Variants in FMNL2 observed in about 807,000 individuals in gnomAD.
The protein encoded by FMNL2 is formin-like protein 2.
Under a neutral mutation model 130.2 loss-of-function variants are expected in FMNL2, and 51 were observed. The observed-to-expected ratio is 0.39, with a 90% CI of 0.31 to 0.49. The LOEUF (loss-of-function observed/expected upper bound fraction) is 0.49, where lower values mean the gene tolerates loss of function less well. Ranked by LOEUF, FMNL2 falls within the 20% of genes least tolerant of loss-of-function variation. The pLI is 0.85. For synonymous variants in FMNL2, 465 were observed against 467.1 expected (o/e 1.00, Z 0.06); for missense variants, 977 against 1,316.2 (o/e 0.74, Z 3.99).
At position 152,335,651 on chromosome 2, in the gene FMNL2, G is replaced by A; in HGVS notation, c.48G>A (p.Ala16=). 1 of 1,593,586 alleles carries A rather than the reference G, an allele frequency of 6.3e-7. No homozygotes were observed. Among genetic ancestry groups the A allele is most frequent in the African/African-American group, 1.4e-5 (1 of 72,190 alleles). Reference sequence around the variant, plus strand: ...ATTCGCAGCAGACCGATTTCAGGGCGCACAACGTGCCTTTGAAGCTGCCGA... The same window carrying A: ...ATTCGCAGCAGACCGATTTCAGGGCACACAACGTGCCTTTGAAGCTGCCGA... ...SMDSQQTDFR[A]HNVPLKLPMP... The change falls in exon 1 of 26, where the codon GCG becomes GCA. Residue 16 remains alanine (A), a synonymous_variant. Coordinates refer to ENST00000288670, the MANE Select transcript of FMNL2 (RefSeq NM_052905.4).
intron 1 of FMNL2, among the ~76,000 whole-genome samples, chr2:152,365,881 A>C (rs1187786039): frequency 6.6e-6 from 1 of 152,220 alleles, no homozygotes; most frequent in East Asian, 1.9e-4. Flanking sequence ...TTGGTGCCTC[A>C]AAAGAAAGGA....
intron 1 of FMNL2, among the ~76,000 whole-genome samples, chr2:152,456,630 G>A (rs1307173744): frequency 6.6e-6 from 1 of 152,142 alleles, no homozygotes; most frequent in East Asian, 1.9e-4. Flanking sequence ...GTTACAATAT[G>A]GAGAGAAGTG....
chr2:152,376,202 T>C (rs1684162831), intron 1 of FMNL2, among the ~76,000 whole-genome samples: 2 of 152,158 alleles, frequency 1.3e-5, no homozygotes, highest in Non-Finnish European at 2.9e-5. Context: ...GCCACTATAA[T>C]TGATTTTTAG....
At chr2:152,421,642 C>G (rs1686929407) in intron 1 of FMNL2, among the ~76,000 whole-genome samples, 1 of 152,194 alleles carries the variant, frequency 6.6e-6, no homozygotes, top group African/African-American at 2.4e-5. Context: ...CACCTAGGAA[C>G]TTCGAGAAAT....
chr2:152,636,733 C>CG (rs1682643443), intron 22 of FMNL2, 143 bp downstream of exon 22: 2 of 1,019,612 alleles, frequency 2.0e-6, no homozygotes, highest in Non-Finnish European at 2.8e-6. Flanking sequence ...TTATTTATTA[C>CG]GGGGGGACCA....
intron 1 of FMNL2, among the ~76,000 whole-genome samples, chr2:152,480,428 A>C (rs954321744): frequency 6.6e-6 from 1 of 152,060 alleles, no homozygotes; most frequent in Non-Finnish European, 1.5e-5. Flanking sequence ...GTCGGAGTCC[A>C]GAACCAGCCT....
chr2:152,576,566 T>C (rs893577111), intron 7 of FMNL2, among the ~76,000 whole-genome samples: 2 of 152,150 alleles, frequency 1.3e-5, no homozygotes, highest in African/African-American at 4.8e-5. Context: ...TAAAATCACA[T>C]AGCTAGTTAG....
intron 1 of FMNL2, among the ~76,000 whole-genome samples, chr2:152,407,999 G>A (rs1686081842): frequency 6.6e-6 from 1 of 152,312 alleles, no homozygotes; most frequent in African/African-American, 2.4e-5. Context: ...ATTAGCTTAA[G>A]TAACTTGGGT....
intron 1 of FMNL2, among the ~76,000 whole-genome samples, chr2:152,398,820 A>T (rs1185204191): frequency 6.6e-6 from 1 of 152,346 alleles, no homozygotes; most frequent in South Asian, 2.1e-4. Context: ...ATGTAATACA[A>T]GGCATAACAT....
chr2:152,538,712 G>A (rs1694143164), intron 2 of FMNL2, among the ~76,000 whole-genome samples: 1 of 152,178 alleles, frequency 6.6e-6, no homozygotes, highest in South Asian at 2.1e-4. Flanking sequence ...GTGTTATGGA[G>A]GAAGAATACA....
At chr2:152,488,001 A>C (rs987020136) in intron 1 of FMNL2, among the ~76,000 whole-genome samples, 1 of 152,040 alleles carries the variant, frequency 6.6e-6, no homozygotes, top group African/African-American at 2.4e-5. Flanking sequence ...GCTGGTGTTG[A>C]ACTCCTGACC....
At chr2:152,642,884 CTG>C (rs34735674) in intron 25 of FMNL2, among the ~76,000 whole-genome samples, 3,442 of 152,216 alleles carry the variant, frequency 0.023, 46 homozygotes, top group Middle Eastern at 0.078. Context: ...TGGCTGGTGT[CTG>C]TAATCCCAGC....
chr2:152,360,167 C>T lies in FMNL2; in HGVS notation c.117+24447C>T, dbSNP rs143154690. Among the ~76,000 whole-genome samples, 227 of 152,250 alleles carry T rather than the reference C, an allele frequency of 1.5e-3. 2 individuals are homozygous for T. Among genetic ancestry groups the T allele is most frequent in the Non-Finnish European group, 2.5e-3 (170 of 68,010 alleles). ...AAAGGGGGTTTTCGAAGCCACAAAC[C>T]GCATCTTTGCTCTTCAGATGTATCT... On this transcript the variant is annotated intron_variant, in intron 1 of 25. Coordinates refer to ENST00000288670, the MANE Select transcript of FMNL2 (RefSeq NM_052905.4).
rs543633244 is a variant in FMNL2 at position 152,544,991 on chromosome 2, C to T, written c.282+2172C>T. Among the ~76,000 whole-genome samples the T allele has an allele frequency of 2.6e-5, 4 of 152,300 alleles. No homozygotes were observed. The East Asian group carries it at 7.7e-4, about 29-fold the overall frequency. On this transcript the variant is annotated intron_variant, in intron 3 of 25. Transcript: ENST00000288670. ...AGATGTCTGTTTGGGCCTTCATTCC[C>T]GACATTTCTGCCCTGGCCCATGTGC...
chr2:152,454,562 C>T (rs972039633), intron 1 of FMNL2, among the ~76,000 whole-genome samples: 4 of 152,162 alleles, frequency 2.6e-5, no homozygotes, highest in South Asian at 4.1e-4. Context: ...AGAAAAAGCT[C>T]ATTTTTACTG....
intron 1 of FMNL2, among the ~76,000 whole-genome samples, chr2:152,468,647 G>C (rs1558888332): frequency 6.6e-6 from 1 of 152,064 alleles, no homozygotes; most frequent in Non-Finnish European, 1.5e-5. Flanking sequence ...ATTTAAGCCA[G>C]TATATCCAAA....
intron 1 of FMNL2, among the ~76,000 whole-genome samples, chr2:152,435,836 G>C (rs1203734236): frequency 6.6e-6 from 1 of 152,182 alleles, no homozygotes; most frequent in Admixed American, 6.5e-5. Flanking sequence ...ATATTTTATA[G>C]GAGTTAGAAG....
At chr2:152,541,187 C>T (rs1011377256) in intron 2 of FMNL2, among the ~76,000 whole-genome samples, 3 of 151,972 alleles carry the variant, frequency 2.0e-5, no homozygotes, top group South Asian at 2.1e-4. Context: ...GACAGGGTCT[C>T]GCTCTGTTAC....
chr2:152,553,740 T>G (rs1420989002), intron 4 of FMNL2, among the ~76,000 whole-genome samples: 1 of 151,634 alleles, frequency 6.6e-6, no homozygotes, highest in African/African-American at 2.4e-5. Context: ...ATGTTATGTA[T>G]TAACATAAAT....
Sources: allele counts gnomAD v4.1 joint callset (sites outside exome capture counted in the v4.1 genomes callset), GRCh38; gene constraint gnomAD v4.1.1; transcripts MANE v1.5; gene names NCBI Gene and HGNC (gene_info 2026-07-23, HGNC 2026-07-21).